EIF5B: variants seen among roughly 807,000 people sequenced by gnomAD.
The protein encoded by EIF5B is eukaryotic translation initiation factor 5B.
EIF5B carries 47 observed loss-of-function variants against 147.5 expected under a neutral mutation model. That is an observed-to-expected ratio of 0.32 (90% CI 0.25 to 0.41). The LOEUF is 0.41. Among genes scored for constraint, EIF5B ranks in the 10% least tolerant of loss-of-function variants. The pLI, the probability that EIF5B is intolerant of heterozygous loss-of-function variation, is 1.00. For synonymous variants in EIF5B, 455 were observed against 456.2 expected (o/e 1.00, Z 0.03); for missense variants, 1,064 against 1,413.2 (o/e 0.75, Z 3.96).
At chr2:99,387,404 CTT>C (rs1424599738) in intron 14 of EIF5B, among the ~76,000 whole-genome samples, 1 of 152,010 alleles carries the variant, frequency 6.6e-6, no homozygotes, top group East Asian at 1.9e-4. Flanking sequence ...TTTAAAGACT[CTT>C]TGCTGAAAAA....
intron 17 of EIF5B, among the ~76,000 whole-genome samples, chr2:99,391,262 A>G: frequency 6.6e-6 from 1 of 152,200 alleles, no homozygotes; most frequent in East Asian, 1.9e-4. Flanking sequence ...TCTCATCTTC[A>G]TGTTGAGTAA....
chr2:99,346,010 A>G lies in EIF5B; in HGVS notation c.35+8421A>G, dbSNP rs1049031570. 4.8e-4 allele frequency among the ~76,000 whole-genome samples: 73 copies of G among 152,174 alleles called. No homozygotes were observed. The Middle Eastern group carries it at 0.01, about 21-fold the overall frequency. ...GAGTTTGCTGTTCTCAAAGGGAGTT[A>G]CGTTTTAACATAGCAAATAGGCATA... On this transcript the variant is annotated intron_variant, in intron 1 of 23. Transcript: ENST00000289371.
At chr2:99,338,486 T>C in intron 1 of EIF5B, 1 of 445,872 alleles carries the variant, frequency 2.2e-6, no homozygotes, top group Non-Finnish European at 4.3e-6. Context: ...AAAAAACTAG[T>C]GCTAGTTCAT....
intron 1 of EIF5B, among the ~76,000 whole-genome samples, chr2:99,357,687 T>G (rs910855155): frequency 3.9e-5 from 6 of 152,158 alleles, no homozygotes; most frequent in Non-Finnish European, 8.8e-5. Context: ...GGCCGATAAA[T>G]TTTTGGAAAT....
chr2:99,361,758 C>A lies in EIF5B; in HGVS notation c.857C>A (p.Thr286Asn), dbSNP rs377020889. ...FEEETVKSKV[T>N]VDTGVIPASE... ...GAAGAAACTGTAAAATCCAAAGTGACTGTTGATACTGGAGTAATTCCTGCC... is the reference window on the plus strand; with the variant it reads ...GAAGAAACTGTAAAATCCAAAGTGAATGTTGATACTGGAGTAATTCCTGCC... Residue 286 changes from threonine to asparagine, a missense_variant, in exon 4 of 24, where the codon ACT becomes AAT. By Grantham distance (65) the Thr-to-Asn change is moderately conservative. This residue lies in a region of EIF5B where 458 missense variants were observed against 451.3 expected (regional missense o/e 1.01). Coordinates refer to ENST00000289371, the MANE Select transcript of EIF5B (RefSeq NM_015904.4). 144 of 1,583,896 alleles carry A rather than the reference C, an allele frequency of 9.1e-5. No individual in the cohort carries two copies. Among genetic ancestry groups the A allele is most frequent in the Admixed American group, 1.2e-4 (6 of 50,144 alleles).
chr2:99,363,933 TA>T (rs1674273374), intron 5 of EIF5B, 71 bp downstream of exon 5: 1 of 1,464,380 alleles, frequency 6.8e-7, no homozygotes, highest in African/African-American at 1.4e-5. Context: ...AAAATATCTT[TA>T]CTCTTCTAAT....
chr2:99,371,072 AAATT>A (rs869178945), intron 8 of EIF5B: 5 of 152,372 alleles, frequency 3.3e-5, no homozygotes, highest in East Asian at 3.9e-4. Context: ...AGAAACATTT[AAATT>A]AATTAAATTA....
intron 14 of EIF5B, among the ~76,000 whole-genome samples, chr2:99,386,418 G>A (rs754353388): frequency 1.3e-5 from 2 of 151,570 alleles, no homozygotes; most frequent in Non-Finnish European, 2.9e-5. Context: ...TACTGCTGAT[G>A]TATTCTTATG....
At position 99,361,161 on chromosome 2, in the gene EIF5B, A is replaced by G. The variant is rs1247563487; in HGVS notation, c.260A>G (p.Asn87Ser). The change falls in exon 4 of 24, where the codon AAT becomes AGT. Residue 87 changes from asparagine (N) to serine (S), a missense_variant. Transcript: ENST00000289371. ...ETVAVKPTEN[N>S]EEEFTSKDKK... ...GAAATTTTTTAGCCAACAGAAAACA[A>G]TGAAGAGGAATTCACCTCAAAAGAT... The G allele has an allele frequency of 6.6e-7, 1 of 1,525,078 alleles. No homozygotes were observed. Among genetic ancestry groups the G allele is most frequent in the South Asian group, 1.3e-5 (1 of 76,298 alleles). The allele number at this position is 1,525,078 out of a possible 1,614,324, so 94.5% of individuals were successfully genotyped here.
intron 12 of EIF5B, among the ~76,000 whole-genome samples, chr2:99,380,877 T>C (rs1416013034): frequency 6.6e-6 from 1 of 152,200 alleles, no homozygotes; most frequent in Non-Finnish European, 1.5e-5. Context: ...GAAGAGTTAT[T>C]TTGTGGCCTT....
intron 1 of EIF5B, among the ~76,000 whole-genome samples, chr2:99,348,035 G>A (rs891577035): frequency 3.3e-5 from 5 of 152,136 alleles, no homozygotes; most frequent in African/African-American, 9.7e-5. Flanking sequence ...GTACTGATCT[G>A]ATAGTTAGAC....
In EIF5B at chr2:99,364,397, A is replaced by G. The variant is rs377592493; in HGVS notation, c.1264A>G (p.Thr422Ala). ...QREARARAEA[T>A]LKLLQAQGVE... ...AGAAGCCAGAGCCAGAGCCGAAGCT[A>G]CTCTTAAACTGCTACAAGCTCAGGG... The change falls in exon 6 of 24, where the codon ACT becomes GCT. Residue 422 changes from threonine to alanine, a missense_variant. Transcript: ENST00000289371. 4.4e-6 allele frequency: 7 copies of G among 1,604,160 alleles called. No individual in the cohort carries two copies. Among genetic ancestry groups the G allele is most frequent in the South Asian group, 1.1e-5 (1 of 88,846 alleles).
intron 23 of EIF5B, 159 bp from the exon 24 acceptor site, chr2:99,399,147 CA>C: frequency 2.5e-6 from 2 of 786,646 alleles, no homozygotes; most frequent in Non-Finnish European, 4.0e-6. Flanking sequence ...ACATGCAAAC[CA>C]GATGTGATTT....
chr2:99,399,191 GTTTT>G, intron 23 of EIF5B, 112 bp from the exon 24 acceptor site: 1 of 1,038,520 alleles, frequency 9.6e-7, no homozygotes, highest in African/African-American at 1.6e-5. Context: ...GGCAAGCCCT[GTTTT>G]TTATTTCTGC....
chr2:99,356,335 A>G (rs1019559874), intron 1 of EIF5B, among the ~76,000 whole-genome samples: 1 of 152,168 alleles, frequency 6.6e-6, no homozygotes, highest in Non-Finnish European at 1.5e-5. Flanking sequence ...CACTGTACAC[A>G]GCTCATAGTT....
chr2:99,348,765 A>C (rs2094278298), intron 1 of EIF5B, among the ~76,000 whole-genome samples: 1 of 152,210 alleles, frequency 6.6e-6, no homozygotes, highest in Admixed American at 6.5e-5. Flanking sequence ...CAATTTGTCC[A>C]TCAACTTGGG....
chr2:99,337,547 GA>G lies in EIF5B; in HGVS notation c.-7del. On this transcript the variant is annotated 5_prime_UTR_variant, in exon 1 of 24. Coordinates refer to ENST00000289371, the MANE Select transcript of EIF5B (RefSeq NM_015904.4). ...AGGGGCTGGGGCCACGAGCGCCATTGACAAGCAATGGGGAAGAAACAGAAAA... is the reference window on the plus strand; with the variant it reads ...AGGGGCTGGGGCCACGAGCGCCATTGCAAGCAATGGGGAAGAAACAGAAAA... The G allele has an allele frequency of 6.2e-7, 1 of 1,612,754 alleles. No homozygotes were observed. The highest frequency in any genetic ancestry group is 1.1e-5 in the South Asian group (1 of 90,968).
intron 22 of EIF5B, chr2:99,397,429 G>C (rs1013843924): frequency 3.9e-5 from 6 of 152,262 alleles, no homozygotes; most frequent in African/African-American, 1.2e-4. Flanking sequence ...CCAGTGCCCT[G>C]CAAGCTGCAT....
rs1398275689 is a variant in EIF5B, at chr2:99,363,865, A to G, written c.1137+3A>G. ...TAGAAGCCAAGCGTAAAGAAGAGGT[A>G]TGTTTTCATGAAGTTGGTAACATTG... On this transcript the variant is annotated splice_donor_region_variant and intron_variant, in intron 5 of 23. Transcript: ENST00000289371. 3 of 1,599,856 alleles carry G rather than the reference A, an allele frequency of 1.9e-6. No homozygotes were observed. Among genetic ancestry groups the G allele is most frequent in the Non-Finnish European group, 2.6e-6 (3 of 1,176,226 alleles).
Sources: gnomAD v4.1 joint callset for allele counts (sites outside exome capture counted in the v4.1 genomes callset) on GRCh38, gnomAD v4.1.1 for gene constraint, gnomAD v4.1.1 regional missense constraint, MANE v1.5 for transcripts, NCBI Gene and HGNC (gene_info 2026-07-23, HGNC 2026-07-21) for gene names.